RORA: variants seen among roughly 807,000 people sequenced by gnomAD.
The protein encoded by RORA is RAR related orphan receptor A, also known as nuclear receptor ROR-alpha.
A neutral mutation model predicts 69.5 loss-of-function variants in RORA; 7 were observed. The ratio of observed to expected loss-of-function variants is 0.10; its 90% CI spans 0.06 to 0.19. The LOEUF (loss-of-function observed/expected upper bound fraction) is 0.19, where lower values mean the gene tolerates loss of function less well. Among genes scored for constraint, RORA ranks in the 10% least tolerant of loss-of-function variants. RORA has a pLI of 1.00. For synonymous variants in RORA, 261 were observed against 240.8 expected (o/e 1.08, Z -0.78); for missense variants, 457 against 663.0 (o/e 0.69, Z 3.41).
chr15:61,092,847 A>G (rs17270822), intron 1 of RORA, among the ~76,000 whole-genome samples: 36,545 of 152,186 alleles, frequency 0.24, 5,248 homozygotes, highest in Non-Finnish European at 0.33. Context: ...GAGGCTTTGA[A>G]GCAAGTGCTA....
chr15:61,184,623 G>A (rs952945088), intron 1 of RORA, among the ~76,000 whole-genome samples: 10 of 152,042 alleles, frequency 6.6e-5, no homozygotes, highest in South Asian at 2.1e-4. Flanking sequence ...TATATACTTC[G>A]CCCCCTAGGG....
At chr15:60,584,779 G>C (rs1168354720) in intron 2 of RORA, among the ~76,000 whole-genome samples, 3 of 151,954 alleles carry the variant, frequency 2.0e-5, no homozygotes, top group African/African-American at 7.3e-5. Context: ...ATAACATTCT[G>C]TGAAAAAGAG....
chr15:61,106,065 C>T (rs1435986115), intron 1 of RORA, among the ~76,000 whole-genome samples: 1 of 152,212 alleles, frequency 6.6e-6, no homozygotes, highest in Non-Finnish European at 1.5e-5. Context: ...TAGGTCTGCT[C>T]TTCCTGGTAG....
intron 2 of RORA, among the ~76,000 whole-genome samples, chr15:60,600,774 C>G (rs931502097): frequency 2.0e-5 from 3 of 151,772 alleles, no homozygotes; most frequent in African/African-American, 7.3e-5. Flanking sequence ...AGCCTTGTGT[C>G]CTCAAAAATA....
chr15:60,795,780 C>A (rs2072487474), intron 1 of RORA, among the ~76,000 whole-genome samples: 2 of 152,214 alleles, frequency 1.3e-5, no homozygotes, highest in Admixed American at 6.5e-5. Flanking sequence ...CCCTCACCTC[C>A]ATCCCTACCA....
chr15:61,050,694 C>T (rs1189299987), intron 1 of RORA, among the ~76,000 whole-genome samples: 1 of 152,212 alleles, frequency 6.6e-6, no homozygotes, highest in African/African-American at 2.4e-5. Context: ...TTGGTCTTGG[C>T]TGTGATACCT....
intron 2 of RORA, among the ~76,000 whole-genome samples, chr15:60,655,961 A>C (rs1173901811): frequency 6.6e-6 from 1 of 152,228 alleles, no homozygotes; most frequent in African/African-American, 2.4e-5. Context: ...TATATTAGCG[A>C]TGTACAATAA....
intron 1 of RORA, among the ~76,000 whole-genome samples, chr15:60,773,770 G>T (rs1480752642): frequency 1.3e-5 from 2 of 152,140 alleles, no homozygotes; most frequent in African/African-American, 4.8e-5. Context: ...CTCAAGAAAG[G>T]TCAGGTCAGT....
At chr15:60,609,973 G>A (rs917825986) in intron 2 of RORA, among the ~76,000 whole-genome samples, 1 of 152,168 alleles carries the variant, frequency 6.6e-6, no homozygotes, top group Non-Finnish European at 1.5e-5. Flanking sequence ...TCCAGGGACT[G>A]ATGTGATCAG....
chr15:60,841,475 C>T (rs2073197566), intron 1 of RORA, among the ~76,000 whole-genome samples: 4 of 151,910 alleles, frequency 2.6e-5, no homozygotes, highest in Admixed American at 2.6e-4. Flanking sequence ...TTTCTCTCTC[C>T]CTCTCTCTCT....
At chr15:60,633,005 A>G (rs1294228204) in intron 2 of RORA, among the ~76,000 whole-genome samples, 1 of 152,378 alleles carries the variant, frequency 6.6e-6, no homozygotes, top group South Asian at 2.1e-4. Flanking sequence ...TAATTCATAA[A>G]AGAAAGCAAC....
At chr15:60,867,160 CT>C (rs2073498971) in intron 1 of RORA, among the ~76,000 whole-genome samples, 2 of 152,150 alleles carry the variant, frequency 1.3e-5, no homozygotes, top group East Asian at 3.8e-4. Context: ...TTGTATAAAC[CT>C]TTTTGTATCT....
At chr15:60,891,638 C>T (rs910127439) in intron 1 of RORA, among the ~76,000 whole-genome samples, 3 of 152,240 alleles carry the variant, frequency 2.0e-5, no homozygotes, top group Non-Finnish European at 4.4e-5. Context: ...ACTGCACCTC[C>T]AAAGCCTGTC....
intron 2 of RORA, among the ~76,000 whole-genome samples, chr15:60,662,840 A>G (rs2070324489): frequency 6.6e-6 from 1 of 152,196 alleles, no homozygotes; most frequent in African/African-American, 2.4e-5. Flanking sequence ...GGTGTGCTGC[A>G]TAGGTCCCTC....
At chr15:60,568,803 G>A (rs1042784978) in intron 2 of RORA, among the ~76,000 whole-genome samples, 3 of 152,166 alleles carry the variant, frequency 2.0e-5, no homozygotes, top group African/African-American at 7.2e-5. Context: ...GGTTTTATAT[G>A]TTTTCCTAGT....
rs182484171 is a variant in RORA at position 60,806,981 on chromosome 15, A to G, written c.167-128295T>C. 1.2e-3 allele frequency among the ~76,000 whole-genome samples: 188 copies of G among 152,280 alleles called. 5 individuals are homozygous for G. In the East Asian group the frequency reaches 0.024, roughly 19 times the overall value. ...TACTGAATGGGGAAAAGTTTAAAGC[A>G]TTCCCCCTGAGAACTGAAACAAGAC... On this transcript the variant is annotated intron_variant, in intron 1 of 10. Transcript: ENST00000335670.
chr15:60,519,314 G>C (rs1158410049), intron 3 of RORA, among the ~76,000 whole-genome samples: 2 of 152,108 alleles, frequency 1.3e-5, no homozygotes, highest in Admixed American at 1.3e-4. Flanking sequence ...TCATTCACTT[G>C]TGACAAGGGC....
chr15:60,672,686 A>G (rs887655846), intron 2 of RORA, among the ~76,000 whole-genome samples: 2 of 152,140 alleles, frequency 1.3e-5, no homozygotes, highest in Non-Finnish European at 2.9e-5. Flanking sequence ...TCTCATGTAC[A>G]TTTTCTTATT....
At chr15:60,641,351 T>C (rs1312208415) in intron 2 of RORA, among the ~76,000 whole-genome samples, 3 of 152,178 alleles carry the variant, frequency 2.0e-5, no homozygotes, top group Non-Finnish European at 4.4e-5. Flanking sequence ...TAAATACGTA[T>C]AATGGGATAA....
Sources: allele counts gnomAD v4.1 joint callset (sites outside exome capture counted in the v4.1 genomes callset), GRCh38; gene constraint gnomAD v4.1.1; transcripts MANE v1.5; gene names NCBI Gene and HGNC (gene_info 2026-07-23, HGNC 2026-07-21).